Variants in CACNG3 observed in about 807,000 individuals in gnomAD.
CACNG3 encodes the protein calcium voltage-gated channel auxiliary subunit gamma 3.
A neutral mutation model predicts 28.5 loss-of-function variants in CACNG3; 3 were observed. The observed-to-expected ratio is 0.11, with a 90% confidence interval of 0.05 to 0.27. The LOEUF (loss-of-function observed/expected upper bound fraction) is 0.27, where lower values mean the gene tolerates loss of function less well. CACNG3 is among the 10% of genes least tolerant of loss of function. The pLI is 1.00. For synonymous variants in CACNG3, 174 were observed against 162.2 expected, an observed-to-expected ratio of 1.07 and a Z score of -0.55; for missense variants, 236 against 414.4, an observed-to-expected ratio of 0.57 and a Z score of 3.74.
chr16:24,355,083 A>G (rs1278839389), intron 3 of CACNG3, 110 bp downstream of exon 3: 80 of 1,082,230 alleles, frequency 7.4e-5, no homozygotes, highest in Admixed American at 2.6e-4. Flanking sequence ...GAGCAAGAAA[A>G]TGTTCCAGTT....
At chr16:24,295,788 A>C (rs1309565912) in intron 1 of CACNG3, among the ~76,000 whole-genome samples, 1 of 152,178 alleles carries the variant, frequency 6.6e-6, no homozygotes, top group African/African-American at 2.4e-5. Context: ...GATAGAGGCT[A>C]CAGTGAGCTA....
chr16:24,271,223 C>A (rs934749424), intron 1 of CACNG3, among the ~76,000 whole-genome samples: 1 of 152,200 alleles, frequency 6.6e-6, no homozygotes, highest in African/African-American at 2.4e-5. Flanking sequence ...TTCTCTCAGA[C>A]AAGTACTTTA....
At chr16:24,312,173 T>C (rs1422706403) in intron 1 of CACNG3, among the ~76,000 whole-genome samples, 1 of 152,144 alleles carries the variant, frequency 6.6e-6, no homozygotes, top group Non-Finnish European at 1.5e-5. Context: ...AAGCTGCAGG[T>C]CTAACATGTA....
intron 1 of CACNG3, among the ~76,000 whole-genome samples, chr16:24,317,131 C>T (rs1332703137): frequency 6.6e-6 from 1 of 152,180 alleles, no homozygotes; most frequent in African/African-American, 2.4e-5. Flanking sequence ...TCCCATGTCT[C>T]AGGGGCATGC....
At chr16:24,324,417 C>T (rs1899508650) in intron 1 of CACNG3, among the ~76,000 whole-genome samples, 1 of 152,138 alleles carries the variant, frequency 6.6e-6, no homozygotes, top group African/African-American at 2.4e-5. Flanking sequence ...CATACACAGG[C>T]AAAAAGCATA....
chr16:24,333,767 A>C (rs1351441212), intron 1 of CACNG3, among the ~76,000 whole-genome samples: 1 of 152,170 alleles, frequency 6.6e-6, no homozygotes, highest in Non-Finnish European at 1.5e-5. Context: ...TCTTGAGCCC[A>C]GTAGTTTGAG....
In CACNG3 at chr16:24,317,634, GAAAGAAAGA is replaced by G. The variant is rs1329267459; in HGVS notation, c.212-29092_212-29084del. On this transcript the variant is annotated intron_variant, in intron 1 of 3. Transcript: ENST00000005284. ...AGAAAGAAAGAAAGAAAGACAGACAGAAAGAAAGAAAAGAAAAGAAAGAAAGAAAGAAAG... is the reference window on the plus strand; with the variant it reads ...AGAAAGAAAGAAAGAAAGACAGACAGAAAGAAAAGAAAGAAAGAAAGAAAG... Among the ~76,000 whole-genome samples, 167 of 39,064 alleles carry G rather than the reference GAAAGAAAGA, an allele frequency of 4.3e-3. 10 individuals are homozygous for G. The highest frequency in any genetic ancestry group is 0.016 in the African/African-American group (148 of 9,044). The allele number at this position is 39,064 out of a possible 152,430, so 25.6% of individuals were successfully genotyped here.
chr16:24,361,477 A>G lies in CACNG3; in HGVS notation c.562A>G (p.Ile188Val), dbSNP rs779898573. Residue 188 changes from isoleucine to valine, a missense_variant, in exon 4 of 4, where the codon ATC (isoleucine) becomes GTC (valine). Coordinates refer to ENST00000005284, the MANE Select transcript of CACNG3 (RefSeq NM_006539.4). This position sits in a 1 kb window ranked among gnomAD's most constrained non-coding sequence, Gnocchi z 6.8. ...TTATTTCGGAGCCTTCTCTTTCATC[A>G]TCGCAGAAATTGTAGGAGTGGTTGC... The part of the protein sequence containing the change: ...SFYFGAFSFI[I>V]AEIVGVVAVH... The G allele has an allele frequency of 5.0e-6, 8 of 1,614,176 alleles. No homozygotes were observed. Among genetic ancestry groups the G allele is most frequent in the Non-Finnish European group, 6.8e-6 (8 of 1,180,028 alleles).
At chr16:24,267,011 G>A (rs1898619083) in intron 1 of CACNG3, among the ~76,000 whole-genome samples, 1 of 148,716 alleles carries the variant, frequency 6.7e-6, no homozygotes, top group Non-Finnish European at 1.5e-5. Context: ...CTATCGCCCA[G>A]GCTGGAGTGC....
At chr16:24,279,511 C>G (rs1196285271) in intron 1 of CACNG3, among the ~76,000 whole-genome samples, 1 of 152,050 alleles carries the variant, frequency 6.6e-6, no homozygotes, top group Non-Finnish European at 1.5e-5. Context: ...CACTATGCTG[C>G]CTAGGCTAGT....
At chr16:24,289,225 G>A (rs1224943114) in intron 1 of CACNG3, among the ~76,000 whole-genome samples, 3 of 151,002 alleles carry the variant, frequency 2.0e-5, no homozygotes, top group Non-Finnish European at 2.9e-5. Context: ...CTTCCTCAAC[G>A]TTCCTCTCAG....
chr16:24,344,259 CT>C (rs1470800681), intron 1 of CACNG3, among the ~76,000 whole-genome samples: 1 of 151,968 alleles, frequency 6.6e-6, no homozygotes, highest in African/African-American at 2.4e-5. Flanking sequence ...TGGTGAAACC[CT>C]GTCTCTACTA....
At chr16:24,328,668 A>T (rs1735048275) in intron 1 of CACNG3, among the ~76,000 whole-genome samples, 1 of 152,114 alleles carries the variant, frequency 6.6e-6, no homozygotes, top group Non-Finnish European at 1.5e-5. Flanking sequence ...GTGACTGGAG[A>T]TGTTCAAGTG....
intron 1 of CACNG3, among the ~76,000 whole-genome samples, chr16:24,312,431 C>T (rs1489049957): frequency 6.6e-6 from 1 of 152,136 alleles, no homozygotes; most frequent in Non-Finnish European, 1.5e-5. Context: ...AGCATAAGTT[C>T]CTTATCCTCT....
At chr16:24,309,372 C>G (rs1899229650) in intron 1 of CACNG3, among the ~76,000 whole-genome samples, 1 of 152,188 alleles carries the variant, frequency 6.6e-6, no homozygotes, top group Non-Finnish European at 1.5e-5. Flanking sequence ...GATTCTAATG[C>G]AGGCTTCCTG....
At chr16:24,285,301 A>T (rs1379346994) in intron 1 of CACNG3, among the ~76,000 whole-genome samples, 2 of 152,200 alleles carry the variant, frequency 1.3e-5, no homozygotes, top group African/African-American at 4.8e-5. Flanking sequence ...ATAATTGCAA[A>T]CACAGATTGT....
rs548774284 is a variant in CACNG3 at position 24,279,119 on chromosome 16, G to A, written c.211+22154G>A. Among the ~76,000 whole-genome samples, 6 of 152,282 alleles carry A rather than the reference G, an allele frequency of 3.9e-5. No individual in the cohort carries two copies. The South Asian group carries it at 8.3e-4, about 21-fold the overall frequency. The stretch of plus-strand genomic sequence containing the variant: ...AAGACTGGAGAAGTAGACAGGGGCC[G>A]TGTCATGCAGATCTTTGGGAGGCAC... On this transcript the variant is annotated intron_variant, in intron 1 of 3. Transcript: ENST00000005284.
At chr16:24,357,600 A>C (rs1458737091) in intron 3 of CACNG3, among the ~76,000 whole-genome samples, 1 of 152,222 alleles carries the variant, frequency 6.6e-6, no homozygotes, top group African/African-American at 2.4e-5. Context: ...AACAGACCAG[A>C]AAGAGAACTG....
intron 1 of CACNG3, among the ~76,000 whole-genome samples, chr16:24,295,992 A>G (rs1899026890): frequency 6.6e-6 from 1 of 152,270 alleles, no homozygotes; most frequent in Non-Finnish European, 1.5e-5. Context: ...TTTGAACCAG[A>G]GCCATCACCT....
Sources: allele counts gnomAD v4.1 joint callset (sites outside exome capture counted in the v4.1 genomes callset), GRCh38; gene constraint gnomAD v4.1.1; non-coding constraint Gnocchi (gnomAD v3.1); transcripts MANE v1.5; gene names NCBI Gene and HGNC (gene_info 2026-07-23, HGNC 2026-07-21).